The following MACF1 variants were observed in gnomAD, a reference collection of about 807,000 sequenced individuals.
MACF1 encodes microtubule-actin cross-linking factor 1.
MACF1 carries 193 observed loss-of-function variants against 854.8 expected under a neutral mutation model. The observed-to-expected ratio is 0.23, with a 90% confidence interval of 0.20 to 0.25. The LOEUF (loss-of-function observed/expected upper bound fraction) is 0.25. Among genes scored for constraint, MACF1 ranks in the 10% least tolerant of loss-of-function variants. The pLI, the probability that MACF1 is intolerant of heterozygous loss-of-function variation, is 1.00. For synonymous variants in MACF1, 3,185 were observed against 3,226.7 expected (o/e 0.99, Z 0.44); for missense variants, 7,722 against 8,929.1 (o/e 0.86, Z 5.45).
intron 20 of MACF1, among the ~76,000 whole-genome samples, chr1:39,296,728 T>TA (rs1219038304): frequency 5.6e-5 from 4 of 71,762 alleles, no homozygotes; most frequent in African/African-American, 2.2e-4. Context: ...AGTGTCTAAA[T>TA]AAAAAGAAAG....
intron 6 of MACF1, among the ~76,000 whole-genome samples, chr1:39,265,682 G>C (rs1645222430): frequency 6.6e-6 from 1 of 152,188 alleles, no homozygotes; most frequent in Non-Finnish European, 1.5e-5. Flanking sequence ...GTGAGTACTT[G>C]AAGTACAGTT....
intron 97 of MACF1, among the ~76,000 whole-genome samples, chr1:39,474,581 C>G: frequency 6.6e-6 from 1 of 152,076 alleles, no homozygotes; most frequent in African/African-American, 2.4e-5. Flanking sequence ...GTAACCCCAG[C>G]TACTCGAGAG....
rs1365919959 is a variant in MACF1 at position 39,331,691 on chromosome 1, C to T, written c.5103C>T (p.Asp1701=). Residue 1701 remains aspartate, a synonymous_variant, in exon 37 of 101, where the codon GAC becomes GAT. Coordinates refer to ENST00000564288, the MANE Select transcript of MACF1 (RefSeq NM_001394062.1). ...TTAGAACATCCAAGAATTTGATAGA[C>T]CCTAACACAGCTGAGAAAATTGGTT... ...SYLRTSKNLI[D]PNTAEKIGLL... is the part of the protein sequence containing the mutation. 1.9e-6 allele frequency: 3 copies of T among 1,614,014 alleles called. No homozygotes were observed. Among genetic ancestry groups the T allele is most frequent in the Non-Finnish European group, 2.5e-6 (3 of 1,180,022 alleles).
At chr1:39,407,033 T>C (rs1482544869) in intron 58 of MACF1, among the ~76,000 whole-genome samples, 1 of 152,202 alleles carries the variant, frequency 6.6e-6, no homozygotes, top group Non-Finnish European at 1.5e-5. Flanking sequence ...GATTACAGTG[T>C]ATCAGAGTTA....
At chr1:39,371,943 C>T (rs918760620) in intron 51 of MACF1, among the ~76,000 whole-genome samples, 2 of 151,610 alleles carry the variant, frequency 1.3e-5, no homozygotes, top group African/African-American at 2.4e-5. Context: ...CGCCCTGAGT[C>T]GCTGGGATTA....
chr1:39,189,527 T>C (rs1050336150), intron 2 of MACF1, among the ~76,000 whole-genome samples: 1 of 152,216 alleles, frequency 6.6e-6, no homozygotes, highest in African/African-American at 2.4e-5. Context: ...CCAACCCAAA[T>C]ACACAAACCC....
intron 58 of MACF1, among the ~76,000 whole-genome samples, chr1:39,396,901 C>T (rs971213292): frequency 6.6e-6 from 1 of 152,212 alleles, no homozygotes; most frequent in African/African-American, 2.4e-5. Flanking sequence ...TGCACCCTCC[C>T]TACTTTGCCA....
chr1:39,317,062 A>G (rs1184311779), intron 28 of MACF1, 152 bp from the exon 29 acceptor site: 1 of 730,432 alleles, frequency 1.4e-6, no homozygotes, highest in South Asian at 2.0e-5. Context: ...AGACCATGAC[A>G]TGTGGAGGCA....
At chr1:39,235,261 T>C (rs1030848524) in intron 2 of MACF1, among the ~76,000 whole-genome samples, 2 of 152,216 alleles carry the variant, frequency 1.3e-5, no homozygotes, top group East Asian at 1.9e-4. Flanking sequence ...CCCGGCACCT[T>C]GGGAGGCCGA....
intron 2 of MACF1, among the ~76,000 whole-genome samples, chr1:39,163,766 C>T (rs960140854): frequency 1.3e-5 from 2 of 152,194 alleles, no homozygotes; most frequent in Non-Finnish European, 2.9e-5. Flanking sequence ...CCAACATACA[C>T]CCTCAGAGAG....
At chr1:39,193,518 T>C (rs1170451463) in intron 2 of MACF1, among the ~76,000 whole-genome samples, 3 of 152,248 alleles carry the variant, frequency 2.0e-5, no homozygotes, top group Non-Finnish European at 4.4e-5. Flanking sequence ...GTGGTAATCA[T>C]AATAACAAGA....
Position 39,424,199 on chromosome 1 carries a change from G to T in MACF1, c.16316+5G>T. On this transcript the variant is annotated splice_donor_5th_base_variant and intron_variant, in intron 61 of 100. Coordinates refer to ENST00000564288, the MANE Select transcript of MACF1 (RefSeq NM_001394062.1). ...ACTCAGTAAGGCAGCAGCCAGGTAA[G>T]ATCAAAGGAATTTTGAGGAGTGGGT... is the stretch of plus-strand genomic sequence containing the variant. The T allele has an allele frequency of 6.2e-7, 1 of 1,611,084 alleles. No individual in the cohort carries two copies. The highest frequency in any genetic ancestry group is 1.1e-5 in the South Asian group (1 of 90,758).
intron 2 of MACF1, among the ~76,000 whole-genome samples, chr1:39,234,393 G>T (rs1279748741): frequency 6.6e-6 from 1 of 151,140 alleles, no homozygotes; most frequent in Non-Finnish European, 1.5e-5. Flanking sequence ...TCACCTTCCG[G>T]GCGGGGCGGC....
intron 2 of MACF1, chr1:39,120,926 T>C (rs1209304737): frequency 1.3e-5 from 2 of 152,406 alleles, no homozygotes; most frequent in African/African-American, 2.4e-5. Flanking sequence ...TAGGTCTTAT[T>C]CTAACTATTT....
chr1:39,258,803 C>T (rs544431828), intron 6 of MACF1, among the ~76,000 whole-genome samples: 1 of 152,210 alleles, frequency 6.6e-6, no homozygotes, highest in Non-Finnish European at 1.5e-5. Context: ...GGGATGAGGC[C>T]AAGGTGACAT....
At chr1:39,294,394 C>T (rs1385121019) in intron 18 of MACF1, among the ~76,000 whole-genome samples, 1 of 152,104 alleles carries the variant, frequency 6.6e-6, no homozygotes, top group Non-Finnish European at 1.5e-5. Context: ...TTTTAACATG[C>T]ACTTTAGACA....
chr1:39,148,222 A>G (rs1193788874), intron 2 of MACF1, among the ~76,000 whole-genome samples: 1 of 152,168 alleles, frequency 6.6e-6, no homozygotes, highest in Non-Finnish European at 1.5e-5. Flanking sequence ...CAGTGACTGC[A>G]GGCTGTACTT....
intron 2 of MACF1, among the ~76,000 whole-genome samples, chr1:39,188,137 C>T (rs2148243614): frequency 6.6e-6 from 1 of 152,148 alleles, no homozygotes; most frequent in South Asian, 2.1e-4. Context: ...GTGATCTTCA[C>T]ATTTAAGACT....
At chr1:39,269,447 C>A (rs1415710762) in intron 6 of MACF1, 1 of 1,289,702 alleles carries the variant, frequency 7.8e-7, no homozygotes, top group Admixed American at 2.3e-5. Context: ...TACTACTGGA[C>A]CAGCCTGGAG....
Sources: gnomAD v4.1 joint callset for allele counts (sites outside exome capture counted in the v4.1 genomes callset) on GRCh38, gnomAD v4.1.1 for gene constraint, MANE v1.5 for transcripts, NCBI Gene and HGNC (gene_info 2026-07-23, HGNC 2026-07-21) for gene names.